Variants in WNK3 observed in about 807,000 individuals in gnomAD.
The protein encoded by WNK3 is WNK lysine deficient protein kinase 3, also known as serine/threonine-protein kinase WNK3.
WNK3 carries 18 observed loss-of-function variants against 116.7 expected under a neutral mutation model. The ratio of observed to expected loss-of-function variants is 0.15; its 90% confidence interval spans 0.11 to 0.23. WNK3 has a LOEUF of 0.23. Ranked by LOEUF, WNK3 falls within the 10% of genes least tolerant of loss-of-function variation. The pLI, the probability that WNK3 is intolerant of heterozygous loss-of-function variation, is 1.00. For synonymous variants in WNK3, 404 were observed against 469.4 expected (o/e 0.86, Z 1.80); for missense variants, 993 against 1,323.8 (o/e 0.75, Z 3.88).
rs369191571 is a variant in WNK3, at chrX:54,314,647, T to C, written c.538-3356A>G. Among the ~76,000 whole-genome samples the C allele has an allele frequency of 9.0e-5, 10 of 110,929 alleles. No homozygotes were observed. In the East Asian group the frequency reaches 2.0e-3, roughly 22 times the overall value. Reference sequence around the variant, plus strand: ...AGCCGGGCATAGTGGTGTATGTCTGTAGTCCCAGCTACTTAGGGGGCTGAG... The same window carrying C: ...AGCCGGGCATAGTGGTGTATGTCTGCAGTCCCAGCTACTTAGGGGGCTGAG... On this transcript the variant is annotated intron_variant, in intron 2 of 23. Coordinates refer to ENST00000354646, the Ensembl canonical transcript of WNK3.
chrX:54,208,133 A>G (rs1273142159), intron 22 of WNK3, among the ~76,000 whole-genome samples: 1 of 109,943 alleles, frequency 9.1e-6, no homozygotes, highest in Non-Finnish European at 1.9e-5. Flanking sequence ...TATACTATAT[A>G]TGTTTTTTTG....
At chrX:54,291,083 G>A (rs1291899295) in intron 10 of WNK3, among the ~76,000 whole-genome samples, 2 of 111,356 alleles carry the variant, frequency 1.8e-5, no homozygotes, top group African/African-American at 6.5e-5. Context: ...GGAGGCCGAG[G>A]CGGGCGGATC....
At position 54,262,941 on chromosome X, in the gene WNK3, A is replaced by G. The variant is rs1442990433; in HGVS notation, c.2038-3603T>C. 1.1e-3 allele frequency among the ~76,000 whole-genome samples: 8 copies of G among 7,368 alleles called. No individual in the cohort carries two copies. The East Asian group carries it at 0.12, about 108-fold the overall frequency. 6.4% of individuals were successfully genotyped at this position (7,368 alleles called of 115,157 possible). On this transcript the variant is annotated intron_variant, in intron 10 of 23. Coordinates refer to ENST00000354646, the Ensembl canonical transcript of WNK3. ...GAGTGAAACTGTCTCAAAAAAAAAAAAAAAAAAGAAAAGAAAAGTAGATAC... is the reference window on the plus strand; with the variant it reads ...GAGTGAAACTGTCTCAAAAAAAAAAGAAAAAAAGAAAAGAAAAGTAGATAC...
intron 11 of WNK3, among the ~76,000 whole-genome samples, chrX:54,258,139 G>A (rs368830342): frequency 8.5e-5 from 9 of 106,487 alleles, no homozygotes; most frequent in African/African-American, 2.4e-4. Flanking sequence ...TTAGCCAGGC[G>A]TGGTGGTGCG....
At chrX:54,226,819 G>A (rs1336815415) in intron 22 of WNK3, among the ~76,000 whole-genome samples, 1 of 111,876 alleles carries the variant, frequency 8.9e-6, no homozygotes, top group African/African-American at 3.2e-5. Context: ...CAGCCTGGGC[G>A]ACGGAGTGAG....
chrX:54,218,061 T>C (rs2067719012), intron 22 of WNK3, among the ~76,000 whole-genome samples: 1 of 111,839 alleles, frequency 8.9e-6, no homozygotes, highest in Admixed American at 9.6e-5. Flanking sequence ...AAAGCTTTTA[T>C]ATCAGCTATT....
chrX:54,286,912 CAAA>C (rs375601596), intron 10 of WNK3, among the ~76,000 whole-genome samples: 1 of 70,978 alleles, frequency 1.4e-5, no homozygotes, highest in Non-Finnish European at 2.8e-5. Flanking sequence ...GACCCCATCT[CAAA>C]AAAAAAAAAA....
chrX:54,329,630 G>C (rs1452167069), intron 2 of WNK3, among the ~76,000 whole-genome samples: 1 of 106,105 alleles, frequency 9.4e-6, no homozygotes, highest in African/African-American at 3.4e-5. Context: ...CTGGGCAACA[G>C]AGCAAGACTC....
chrX:54,236,875 CAATACT>C, intron 20 of WNK3, 57 bp downstream of exon 20: 1 of 1,105,765 alleles, frequency 9.0e-7, no homozygotes, highest in Non-Finnish European at 1.2e-6. Context: ...GTTACCAATC[CAATACT>C]AAGTTCTATA....
At chrX:54,289,921 A>G (rs1394445403) in intron 10 of WNK3, among the ~76,000 whole-genome samples, 1 of 111,804 alleles carries the variant, frequency 8.9e-6, no homozygotes. Context: ...TTGAAGACCA[A>G]CTGTTGGATG....
At chrX:54,230,815 T>C (rs868919477) in intron 21 of WNK3, among the ~76,000 whole-genome samples, 7 of 112,454 alleles carry the variant, frequency 6.2e-5, no homozygotes, top group African/African-American at 1.6e-4. Flanking sequence ...ACATCCATTA[T>C]AACACAAAAT....
At chrX:54,214,504 CT>C (rs1158180101) in intron 22 of WNK3, among the ~76,000 whole-genome samples, 1 of 111,538 alleles carries the variant, frequency 9.0e-6, no homozygotes, top group Non-Finnish European at 1.9e-5. Context: ...GGCAAAACAA[CT>C]AGAACCAACC....
intron 10 of WNK3, among the ~76,000 whole-genome samples, chrX:54,285,329 G>A (rs1462294878): frequency 8.9e-6 from 1 of 111,890 alleles, no homozygotes; most frequent in Non-Finnish European, 1.9e-5. Context: ...GATGGCTTGA[G>A]CCAGGAGGTC....
chrX:54,299,841 G>GT (rs1557167129), intron 6 of WNK3, among the ~76,000 whole-genome samples: 1 of 110,481 alleles, frequency 9.1e-6, no homozygotes, highest in African/African-American at 3.3e-5. Context: ...AATTATTTTG[G>GT]TTTATTAGTT....
exon 2 of WNK3, chrX:54,333,518 A>G: frequency 8.3e-7 from 1 of 1,211,463 alleles, no homozygotes; most frequent in East Asian, 3.0e-5. Context: ...TCCTTTCTAC[A>G]GTTTCCCCAG....
chrX:54,264,135 C>A (rs1322789350), intron 10 of WNK3, among the ~76,000 whole-genome samples: 2 of 109,045 alleles, frequency 1.8e-5, no homozygotes, highest in African/African-American at 6.7e-5. Context: ...GAGTTGGAGA[C>A]CAGCCTGGCC....
intron 1 of WNK3, among the ~76,000 whole-genome samples, chrX:54,348,186 A>T (rs1045644337): frequency 9.4e-6 from 1 of 106,374 alleles, no homozygotes; most frequent in African/African-American, 3.4e-5. Context: ...ATCAAAGGAA[A>T]TTTTTTTTTT....
At chrX:54,294,643 C>T (rs371957284) in exon 8 of WNK3, 9 of 1,208,583 alleles carry the variant, frequency 7.4e-6, no homozygotes, top group Non-Finnish European at 1.0e-5. Flanking sequence ...CATTCAGCCC[C>T]AGTTTGCTGA....
intron 15 of WNK3, 95 bp from the exon 16 acceptor site, chrX:54,250,226 T>C: frequency 1.4e-5 from 12 of 865,824 alleles, no homozygotes; most frequent in Non-Finnish European, 1.9e-5. Context: ...ACAATTTGTC[T>C]TATATCTCCA....
Sources: gnomAD v4.1 joint callset for allele counts (sites outside exome capture counted in the v4.1 genomes callset) on GRCh38, gnomAD v4.1.1 for gene constraint, MANE v1.5 for transcripts, NCBI Gene and HGNC (gene_info 2026-07-23, HGNC 2026-07-21) for gene names.